RNF169: variants seen among roughly 807,000 people sequenced by gnomAD.
The protein encoded by RNF169 is ring finger protein 169.
Under a neutral mutation model 53.9 loss-of-function variants are expected in RNF169, and 24 were observed. The ratio of observed to expected loss-of-function variants is 0.45; its 90% CI spans 0.32 to 0.63. RNF169 has a LOEUF of 0.63. Among genes scored for constraint, RNF169 ranks in the 20% least tolerant of loss-of-function variants. The probability of loss-of-function intolerance (pLI) is 0.04; values close to 1 mark genes in which losing one functional copy is unlikely to be tolerated. For missense variants in RNF169, 883 were observed against 906.2 expected, an observed-to-expected ratio of 0.97 and a Z score of 0.33; for synonymous variants, 396 against 363.5, an observed-to-expected ratio of 1.09 and a Z score of -1.02.
intron 3 of RNF169, among the ~76,000 whole-genome samples, chr11:74,812,134 A>G (rs1462265866): frequency 6.6e-6 from 1 of 152,192 alleles, no homozygotes; most frequent in Non-Finnish European, 1.5e-5. Flanking sequence ...GCAGCCACCT[A>G]ATTTTAATCT....
At chr11:74,819,689 GT>G (rs1372010986) in intron 4 of RNF169, among the ~76,000 whole-genome samples, 1 of 152,166 alleles carries the variant, frequency 6.6e-6, no homozygotes. Flanking sequence ...GCTGATGGCT[GT>G]TTTTTAGATT....
chr11:74,841,994 G>A lies in RNF169; in HGVS notation c.*5264G>A, dbSNP rs1453119258. ...CTATGCAAGGGAAAAAAATTTAAAT[G>A]CCAACGAATAGTTTTTTTTTTTTTG... On this transcript the variant is annotated 3_prime_UTR_variant, in exon 6 of 6. Transcript: ENST00000299563. The A allele has an allele frequency of 6.6e-6, 1 of 151,198 alleles. No individual in the cohort carries two copies. The highest frequency in any genetic ancestry group is 1.5e-5 in the Non-Finnish European group (1 of 67,992). The allele number at this position is 151,198 out of a possible 1,614,324, so 9.4% of individuals were successfully genotyped here.
chr11:74,779,871 A>G (rs948148268), intron 1 of RNF169, among the ~76,000 whole-genome samples: 2 of 151,696 alleles, frequency 1.3e-5, no homozygotes, highest in South Asian at 2.1e-4. Context: ...TTTTTTGGAG[A>G]TGGGGTTTCC....
Position 74,836,387 on chromosome 11 carries a change from CATT to C in RNF169, c.1786_1788del (p.Leu596del). 1.2e-6 allele frequency: 2 copies of C among 1,614,146 alleles called. No individual in the cohort carries two copies. Among genetic ancestry groups the C allele is most frequent in the Non-Finnish European group, 1.7e-6 (2 of 1,179,986 alleles). ...CTCAAAACAAAGCAACAATTGAAGA[CATT>C]AAATCATTTTGATCTGACTAATGGT... is the stretch of plus-strand genomic sequence containing the variant. On this transcript the variant is annotated inframe_deletion, in exon 6 of 6. Coordinates refer to ENST00000299563, the MANE Select transcript of RNF169 (RefSeq NM_001098638.2).
chr11:74,765,806 CAAAA>C (rs35483204), intron 1 of RNF169, among the ~76,000 whole-genome samples: 1 of 108,980 alleles, frequency 9.2e-6, no homozygotes, highest in Non-Finnish European at 1.9e-5. Context: ...GGCAACATCT[CAAAA>C]AAAAAAAAAC....
chr11:74,763,711 A>G (rs1257933593), intron 1 of RNF169, among the ~76,000 whole-genome samples: 1 of 152,226 alleles, frequency 6.6e-6, no homozygotes, highest in Non-Finnish European at 1.5e-5. Context: ...AAGATCCAAC[A>G]TGTAATGGTA....
At chr11:74,753,604 A>T (rs1476850298) in intron 1 of RNF169, among the ~76,000 whole-genome samples, 1 of 152,190 alleles carries the variant, frequency 6.6e-6, no homozygotes, top group East Asian at 1.9e-4. Flanking sequence ...ATATTCAGAG[A>T]TATATTGCTT....
At chr11:74,752,363 A>G (rs1352599289) in intron 1 of RNF169, among the ~76,000 whole-genome samples, 2 of 151,608 alleles carry the variant, frequency 1.3e-5, no homozygotes, top group Non-Finnish European at 2.9e-5. Flanking sequence ...TTGGGAGGCT[A>G]AGGCGGGCGG....
At chr11:74,815,043 C>T (rs1454961538) in intron 3 of RNF169, among the ~76,000 whole-genome samples, 1 of 151,992 alleles carries the variant, frequency 6.6e-6, no homozygotes, top group Non-Finnish European at 1.5e-5. Context: ...TCTTTCTTTT[C>T]CTTTTTTTTA....
intron 4 of RNF169, among the ~76,000 whole-genome samples, chr11:74,826,241 G>T (rs932475839): frequency 6.6e-6 from 1 of 152,116 alleles, no homozygotes; most frequent in Non-Finnish European, 1.5e-5. Flanking sequence ...CATGAGAATC[G>T]CTTGAACCTG....
At chr11:74,765,075 G>A (rs1457768132) in intron 1 of RNF169, among the ~76,000 whole-genome samples, 1 of 152,154 alleles carries the variant, frequency 6.6e-6, no homozygotes, top group African/African-American at 2.4e-5. Context: ...CAGATGTGGT[G>A]GTGTGCGCCT....
At chr11:74,769,470 T>C (rs1360439364) in intron 1 of RNF169, among the ~76,000 whole-genome samples, 3 of 152,160 alleles carry the variant, frequency 2.0e-5, no homozygotes, top group Admixed American at 2.0e-4. Context: ...TATGCAGAGA[T>C]TCCATTAATA....
chr11:74,781,565 A>G (rs1188160757), intron 1 of RNF169, among the ~76,000 whole-genome samples: 1 of 152,236 alleles, frequency 6.6e-6, no homozygotes, highest in East Asian at 1.9e-4. Flanking sequence ...ATATTTGTAC[A>G]CATATATATC....
chr11:74,749,924 G>T (rs927977821), intron 1 of RNF169, among the ~76,000 whole-genome samples: 3 of 152,184 alleles, frequency 2.0e-5, no homozygotes, highest in Non-Finnish European at 4.4e-5. Context: ...GAAAATGTAT[G>T]CTTAGCACAG....
At chr11:74,758,570 C>A (rs1319028798) in intron 1 of RNF169, among the ~76,000 whole-genome samples, 2 of 151,170 alleles carry the variant, frequency 1.3e-5, no homozygotes, top group African/African-American at 4.9e-5. Flanking sequence ...GGCGGGATCT[C>A]GGCTCACTGC....
At chr11:74,817,535 C>A in intron 3 of RNF169, 61 bp from the exon 4 acceptor site, 2 of 1,019,380 alleles carry the variant, frequency 2.0e-6, no homozygotes, top group South Asian at 1.3e-5. Context: ...GAACCTATAG[C>A]TAGAGTAGAT....
intron 4 of RNF169, chr11:74,832,340 T>C (rs113152694): frequency 1.3e-5 from 2 of 152,156 alleles, no homozygotes; most frequent in African/African-American, 4.8e-5. Flanking sequence ...GCAAGTGTGT[T>C]TCCTCCCTGG....
chr11:74,784,226 T>C (rs559472507), intron 1 of RNF169, among the ~76,000 whole-genome samples: 1 of 152,354 alleles, frequency 6.6e-6, no homozygotes, highest in African/African-American at 2.4e-5. Flanking sequence ...CAAAGTATTG[T>C]TACTGAATCA....
chr11:74,766,931 A>G lies in RNF169; in HGVS notation c.502+17549A>G, dbSNP rs138238550. Among the ~76,000 whole-genome samples, 67 of 152,352 alleles carry G rather than the reference A, an allele frequency of 4.4e-4. No homozygotes were observed. The East Asian group carries it at 4.6e-3, about 11-fold the overall frequency. ...ATCACACAAGTTAACAAAATCACAC[A>G]AGAACTGTATGAGAAAGGAAAAGTA... On this transcript the variant is annotated intron_variant, in intron 1 of 5. Transcript: ENST00000299563.
Sources: gnomAD v4.1 joint callset for allele counts (sites outside exome capture counted in the v4.1 genomes callset) on GRCh38, gnomAD v4.1.1 for gene constraint, MANE v1.5 for transcripts, NCBI Gene and HGNC (gene_info 2026-07-23, HGNC 2026-07-21) for gene names.